Variants in PLCL2 observed in about 807,000 individuals in gnomAD.
PLCL2 encodes the protein phospholipase C like 2, also known as inactive phospholipase C-like protein 2.
Under a neutral mutation model 79.6 loss-of-function variants are expected in PLCL2, and 4 were observed. That is an observed-to-expected ratio of 0.05 (90% CI 0.02 to 0.11). The LOEUF is 0.11. Ranked by LOEUF, PLCL2 falls within the 10% of genes least tolerant of loss-of-function variation. PLCL2 has a pLI of 1.00. For missense variants in PLCL2, 895 were observed against 1,291.0 expected (o/e 0.69, Z 4.70); for synonymous variants, 484 against 457.7 (o/e 1.06, Z -0.73).
rs759132742 is a variant in PLCL2, at chr3:17,009,956, C to T, written c.610C>T (p.Arg204Cys). 6.2e-7 allele frequency: 1 copy of T among 1,614,016 alleles called. No homozygotes were observed. The highest frequency in any genetic ancestry group is 1.3e-5 in the African/African-American group (1 of 75,020). Residue 204 changes from arginine (R) to cysteine (C), a missense_variant, in exon 2 of 6, where the codon CGC (arginine) becomes TGC (cysteine). Arg to Cys is a radical substitution (Grantham distance 180). Around this residue, in one of 6 missense-constraint regions of PLCL2, gnomAD observed 129 missense variants for 208.8 expected, o/e 0.62. Transcript: ENST00000615277. This position sits in a 1 kb window ranked among gnomAD's most constrained non-coding sequence, Gnocchi z 4.0. ...AACAGGAAAAAACACAGACATATTC[C>T]GCAGCAATGGCATTTCTGACCAGAT... ...VRTGKNTDIF[R>C]SNGISDQISE...
Position 17,074,572 on chromosome 3 carries a change from T to G in PLCL2, c.3204+6507T>G, listed in dbSNP as rs2065091743. Among the ~76,000 whole-genome samples the G allele has an allele frequency of 3.3e-5, 5 of 152,348 alleles. No individual in the cohort carries two copies. The South Asian group carries it at 1.0e-3, about 32-fold the overall frequency. On this transcript the variant is annotated intron_variant, in intron 5 of 5. Transcript: ENST00000615277. Reference sequence around the variant, plus strand: ...TGAAGCCAAGCATTGACTTCTCCTTTTGAGCCATGAAAGCCCTAGATGGCA... The same window carrying G: ...TGAAGCCAAGCATTGACTTCTCCTTGTGAGCCATGAAAGCCCTAGATGGCA...
intron 1 of PLCL2, among the ~76,000 whole-genome samples, chr3:16,973,955 A>G (rs1219398576): frequency 6.6e-6 from 1 of 152,236 alleles, no homozygotes; most frequent in African/African-American, 2.4e-5. Flanking sequence ...AGACCTTATT[A>G]TGGAGATCCA....
At chr3:16,963,607 A>C (rs955884223) in intron 1 of PLCL2, among the ~76,000 whole-genome samples, 7 of 152,136 alleles carry the variant, frequency 4.6e-5, no homozygotes, top group Admixed American at 2.0e-4. Flanking sequence ...AATTCTTTGA[A>C]AGTAGAATAG....
intron 5 of PLCL2, among the ~76,000 whole-genome samples, chr3:17,075,546 A>G (rs1212147819): frequency 6.3e-5 from 3 of 47,858 alleles, no homozygotes; most frequent in African/African-American, 2.6e-4. Context: ...TTCAATGTGT[A>G]AAAAAAAAAA....
chr3:17,072,600 C>T (rs781680295), intron 5 of PLCL2, among the ~76,000 whole-genome samples: 22 of 147,310 alleles, frequency 1.5e-4, no homozygotes, highest in African/African-American at 4.5e-4. Flanking sequence ...ACCCAGGAGG[C>T]GGAGGTTGCA....
chr3:16,997,354 G>C (rs114882541), intron 1 of PLCL2, among the ~76,000 whole-genome samples: 1 of 152,108 alleles, frequency 6.6e-6, no homozygotes, highest in African/African-American at 2.4e-5. Flanking sequence ...TATAAATACC[G>C]TAAGAGTTTA....
intron 3 of PLCL2, among the ~76,000 whole-genome samples, chr3:17,033,590 G>T (rs2064608756): frequency 6.6e-6 from 1 of 152,166 alleles, no homozygotes; most frequent in African/African-American, 2.4e-5. Context: ...TGTGTGAACT[G>T]AAATTACACA....
chr3:16,954,574 T>G, intron 1 of PLCL2, among the ~76,000 whole-genome samples: 1 of 152,178 alleles, frequency 6.6e-6, no homozygotes, highest in East Asian at 1.9e-4. Flanking sequence ...ATGGTATTTC[T>G]AGTTCTAGAT....
chr3:16,987,016 CATTTATGGGGTCTGGGTG>C (rs1399970485), intron 1 of PLCL2, among the ~76,000 whole-genome samples: 5 of 151,402 alleles, frequency 3.3e-5, no homozygotes, highest in Admixed American at 3.3e-4. Flanking sequence ...AGAAGTCTGA[CATTTATGGGGTCTGGGTG>C]CCAGACCCCA....
At chr3:17,032,422 C>G (rs937023408) in intron 3 of PLCL2, among the ~76,000 whole-genome samples, 2 of 152,148 alleles carry the variant, frequency 1.3e-5, no homozygotes, top group African/African-American at 4.8e-5. Flanking sequence ...ATAAACCACC[C>G]TAGTGCATTC....
At chr3:16,918,228 T>C (rs1384706923) in intron 1 of PLCL2, among the ~76,000 whole-genome samples, 1 of 152,194 alleles carries the variant, frequency 6.6e-6, no homozygotes, top group African/African-American at 2.4e-5. Context: ...CAGCAAGGCA[T>C]TTAAACCAGG....
intron 5 of PLCL2, among the ~76,000 whole-genome samples, chr3:17,077,208 A>T (rs1396605808): frequency 6.6e-6 from 1 of 152,240 alleles, no homozygotes; most frequent in East Asian, 1.9e-4. Flanking sequence ...GTGTTGTACT[A>T]TCTGAAAATC....
chr3:17,065,466 A>C (rs1445929791), intron 4 of PLCL2, among the ~76,000 whole-genome samples: 1 of 152,188 alleles, frequency 6.6e-6, no homozygotes, highest in Admixed American at 6.5e-5. Context: ...TAAGCTCAGC[A>C]TTCCCTTCTT....
intron 3 of PLCL2, among the ~76,000 whole-genome samples, chr3:17,021,595 T>TAC (rs35902619): frequency 0.16 from 23,645 of 146,360 alleles, 1,891 homozygotes; most frequent in Admixed American, 0.22. Context: ...AAAGTATTCT[T>TAC]ACACACACAC....
chr3:17,067,246 A>G (rs1455690934), intron 4 of PLCL2, among the ~76,000 whole-genome samples: 1 of 152,174 alleles, frequency 6.6e-6, no homozygotes, highest in East Asian at 1.9e-4. Flanking sequence ...CGGTCTTACT[A>G]TTAGAGTTAT....
chr3:16,896,738 CAG>C (rs968521201), intron 1 of PLCL2, among the ~76,000 whole-genome samples: 1 of 152,136 alleles, frequency 6.6e-6, no homozygotes, highest in African/African-American at 2.4e-5. Context: ...GGTCGGTCAA[CAG>C]AGAGTTTTAG....
At chr3:17,028,076 A>G (rs1381444243) in intron 3 of PLCL2, among the ~76,000 whole-genome samples, 2 of 152,158 alleles carry the variant, frequency 1.3e-5, no homozygotes, top group Non-Finnish European at 2.9e-5. Flanking sequence ...CCAGTCCAAG[A>G]ATTGAGTTTA....
At chr3:17,019,873 C>T (rs557810610) in intron 3 of PLCL2, among the ~76,000 whole-genome samples, 1 of 152,212 alleles carries the variant, frequency 6.6e-6, no homozygotes, top group South Asian at 2.1e-4. Context: ...TGAGCTTGTT[C>T]GCTCATGTAA....
At position 16,958,913 on chromosome 3, in the gene PLCL2, C is replaced by T. The variant is rs183929492; in HGVS notation, c.328-50761C>T. 4.0e-4 allele frequency among the ~76,000 whole-genome samples: 61 copies of T among 152,314 alleles called. No individual in the cohort carries two copies. The East Asian group carries it at 0.011, about 28-fold the overall frequency. Reference sequence around the variant, plus strand: ...CCTATGACTGTTGTAGACCTTTCCCCCTAACTCGAGTCCCTCTTTTGGGAT... The same window carrying T: ...CCTATGACTGTTGTAGACCTTTCCCTCTAACTCGAGTCCCTCTTTTGGGAT... On this transcript the variant is annotated intron_variant, in intron 1 of 5. Transcript: ENST00000615277.
Sources: gnomAD v4.1 joint callset for allele counts (sites outside exome capture counted in the v4.1 genomes callset) on GRCh38, gnomAD v4.1.1 for gene constraint, gnomAD v4.1.1 regional missense constraint, Gnocchi (gnomAD v3.1) non-coding constraint, MANE v1.5 for transcripts, NCBI Gene and HGNC (gene_info 2026-07-23, HGNC 2026-07-21) for gene names.